EHF: variants seen among roughly 807,000 people sequenced by gnomAD.
EHF encodes the protein ETS homologous factor.
In EHF, 14 loss-of-function variants were observed where a neutral mutation model predicts 45.1. The ratio of observed to expected loss-of-function variants is 0.31; its 90% CI spans 0.21 to 0.49. The LOEUF (loss-of-function observed/expected upper bound fraction) is 0.49, where lower values mean the gene tolerates loss of function less well. EHF is among the 20% of genes least tolerant of loss of function. The pLI, the probability that EHF is intolerant of heterozygous loss-of-function variation, is 0.99. For synonymous variants in EHF, 136 were observed against 131.8 expected, an observed-to-expected ratio of 1.03 and a Z score of -0.22; for missense variants, 282 against 371.4, an observed-to-expected ratio of 0.76 and a Z score of 1.98.
chr11:34,648,357 A>G (rs1002982778), intron 3 of EHF, among the ~76,000 whole-genome samples: 6 of 151,564 alleles, frequency 4.0e-5, no homozygotes, highest in Admixed American at 3.9e-4. Context: ...ATATATATAT[A>G]TATATATAAG....
chr11:34,622,329 C>T, intron 1 of EHF: 1 of 989,380 alleles, frequency 1.0e-6, no homozygotes, highest in Non-Finnish European at 1.4e-6. Flanking sequence ...TCTGCACTCA[C>T]CTTGGTAACA....
In EHF at chr11:34,635,450, C is replaced by CTTTTTTTTTTTT. The variant is rs56121359; in HGVS notation, c.-3-7171_-3-7160dup. Among the ~76,000 whole-genome samples the CTTTTTTTTTTTT allele has an allele frequency of 3.1e-4, 35 of 113,204 alleles. 2 individuals are homozygous for CTTTTTTTTTTTT. Among genetic ancestry groups the CTTTTTTTTTTTT allele is most frequent in the Non-Finnish European group, 4.9e-4 (28 of 56,700 alleles). The allele number at this position is 113,204 out of a possible 152,430, so 74.3% of individuals were successfully genotyped here. Reference sequence around the variant, plus strand: ...CCTAGCCCCAATCCGAAACCTTATTCTTTTTTTTTTTTTTTTTTGAGATGG... The same window carrying CTTTTTTTTTTTT: ...CCTAGCCCCAATCCGAAACCTTATTCTTTTTTTTTTTTTTTTTTTTTTTTTTTTTTGAGATGG... On this transcript the variant is annotated intron_variant, in intron 1 of 8. Coordinates refer to ENST00000257831, the MANE Select transcript of EHF (RefSeq NM_012153.6).
In EHF at chr11:34,628,441, G is replaced by A. The variant is rs542650926; in HGVS notation, c.-4+7213G>A. On this transcript the variant is annotated intron_variant, in intron 1 of 8. Coordinates refer to ENST00000257831, the MANE Select transcript of EHF (RefSeq NM_012153.6). ...CACTAGATTACAAAACAGATCCATC[G>A]TACAGATGAAAGGTTAAGAACACCT... Among the ~76,000 whole-genome samples the A allele has an allele frequency of 2.6e-5, 4 of 152,124 alleles. No homozygotes were observed. In the East Asian group the frequency reaches 7.7e-4, roughly 29 times the overall value.
In EHF at chr11:34,658,812, T is replaced by C. The variant is rs1053012686; in HGVS notation, c.804-20T>C. The C allele has an allele frequency of 3.3e-5, 53 of 1,609,668 alleles. No homozygotes were observed. The highest frequency in any genetic ancestry group is 4.2e-5 in the Non-Finnish European group (50 of 1,178,178). Reference sequence around the variant, plus strand: ...AACCTTCATCGGATCAGTCACCTTATGCAATCTCCTTTGTTACAGATATTA... The same window carrying C: ...AACCTTCATCGGATCAGTCACCTTACGCAATCTCCTTTGTTACAGATATTA... On this transcript the variant is annotated intron_variant, in intron 8 of 8. Transcript: ENST00000257831.
At chr11:34,626,433 G>A (rs554734174) in intron 1 of EHF, among the ~76,000 whole-genome samples, 1 of 152,292 alleles carries the variant, frequency 6.6e-6, no homozygotes, top group Non-Finnish European at 1.5e-5. Flanking sequence ...CTCCTCAGTA[G>A]GGCTGATGAT....
chr11:34,647,133 G>C (rs1290460206), intron 3 of EHF, among the ~76,000 whole-genome samples: 1 of 149,374 alleles, frequency 6.7e-6, no homozygotes. Flanking sequence ...AGGTTCTTAA[G>C]ATAGGGTCCT....
intron 2 of EHF, among the ~76,000 whole-genome samples, chr11:34,646,057 T>C (rs1854492244): frequency 6.6e-6 from 1 of 151,520 alleles, no homozygotes; most frequent in African/African-American, 2.4e-5. Flanking sequence ...TGTGTGTGTG[T>C]GTGTGTGTGT....
chr11:34,657,055 C>T (rs1216132796), intron 7 of EHF, 85 bp downstream of exon 7: 22 of 1,490,586 alleles, frequency 1.5e-5, no homozygotes, highest in East Asian at 9.5e-5. Context: ...TGGCAAATAT[C>T]GCCTCTGTCT....
intron 1 of EHF, among the ~76,000 whole-genome samples, chr11:34,624,960 AG>A (rs1416343215): frequency 6.6e-6 from 1 of 152,066 alleles, no homozygotes; most frequent in Non-Finnish European, 1.5e-5. Context: ...TCTAGGCAAA[AG>A]GGTTTGAACC....
chr11:34,660,295 C>T lies in EHF; in HGVS notation c.*1364C>T, dbSNP rs1856003517. 1 of 151,986 alleles carries T rather than the reference C, an allele frequency of 6.6e-6. No homozygotes were observed. The highest frequency in any genetic ancestry group is 6.6e-5 in the Admixed American group (1 of 15,256). 9.4% of individuals were successfully genotyped at this position (151,986 alleles called of 1,614,324 possible). A position where few individuals can be genotyped will look rare whatever the true frequency, so the allele number is the denominator to read the frequency against. On this transcript the variant is annotated 3_prime_UTR_variant, in exon 9 of 9. Transcript: ENST00000257831. ...AAAATTATATTGTAGAAGGAAACAC[C>T]AAGAAAAGAATTTCCAGGGAAAATC... is the stretch of plus-strand genomic sequence containing the variant.
intron 2 of EHF, among the ~76,000 whole-genome samples, chr11:34,645,639 G>C (rs867734903): frequency 3.9e-5 from 6 of 152,190 alleles, no homozygotes; most frequent in Non-Finnish European, 8.8e-5. Context: ...AAGCAAGTTG[G>C]GGGGATTGGG....
At position 34,655,417 on chromosome 11, in the gene EHF, G is replaced by A. The variant is rs146199716; in HGVS notation, c.545-1491G>A. ...CATTACAGAAGTGAACCTGATTCTT[G>A]GCAAGAAAGGCTTGTGTGAAATCTG... is the stretch of plus-strand genomic sequence containing the variant. On this transcript the variant is annotated intron_variant, in intron 6 of 8. Coordinates refer to ENST00000257831, the MANE Select transcript of EHF (RefSeq NM_012153.6). Among the ~76,000 whole-genome samples the A allele has an allele frequency of 2.3e-3, 355 of 152,240 alleles. 1 individual carries two copies. The highest frequency in any genetic ancestry group is 8.2e-3 in the African/African-American group (339 of 41,534).
At chr11:34,636,726 C>T (rs1853442629) in intron 1 of EHF, among the ~76,000 whole-genome samples, 1 of 152,146 alleles carries the variant, frequency 6.6e-6, no homozygotes, top group Non-Finnish European at 1.5e-5. Context: ...CTTTTAAGAG[C>T]TTCCCTCAAG....
At chr11:34,654,538 G>T (rs747153305) in intron 6 of EHF, among the ~76,000 whole-genome samples, 5 of 152,152 alleles carry the variant, frequency 3.3e-5, no homozygotes, top group African/African-American at 4.8e-5. Flanking sequence ...ATGATGGAAA[G>T]ATTTTTATTT....
intron 1 of EHF, chr11:34,642,290 T>TA (rs1420429335): frequency 0.016 from 2,669 of 164,628 alleles, 36 homozygotes; most frequent in African/African-American, 0.027. Context: ...TTCACTTTTG[T>TA]AAAAAAAAAA....
At chr11:34,641,078 G>A (rs1590470488) in intron 1 of EHF, among the ~76,000 whole-genome samples, 1 of 152,126 alleles carries the variant, frequency 6.6e-6, no homozygotes, top group Non-Finnish European at 1.5e-5. Context: ...TGGCTTCAAA[G>A]CTCCTATACA....
At chr11:34,635,616 C>T (rs928836386) in intron 1 of EHF, among the ~76,000 whole-genome samples, 2 of 151,550 alleles carry the variant, frequency 1.3e-5, no homozygotes, top group Admixed American at 6.6e-5. Context: ...TGAGCATTCT[C>T]TGTGCTAAGG....
intron 3 of EHF, among the ~76,000 whole-genome samples, chr11:34,648,614 T>A (rs990832103): frequency 6.6e-6 from 1 of 152,192 alleles, no homozygotes; most frequent in Admixed American, 6.5e-5. Flanking sequence ...TATCTTAGTA[T>A]GGGAAAGCAC....
intron 6 of EHF, among the ~76,000 whole-genome samples, chr11:34,656,393 C>G (rs1447140359): frequency 6.8e-6 from 1 of 147,804 alleles, no homozygotes; most frequent in African/African-American, 2.5e-5. Flanking sequence ...TTCTATTATG[C>G]TAAAAAAAAA....
Sources: gnomAD v4.1 joint callset for allele counts (sites outside exome capture counted in the v4.1 genomes callset) on GRCh38, gnomAD v4.1.1 for gene constraint, MANE v1.5 for transcripts, NCBI Gene and HGNC (gene_info 2026-07-23, HGNC 2026-07-21) for gene names.